The following HGF variants were observed in gnomAD, a reference collection of about 807,000 sequenced individuals.
HGF encodes the protein fibroblast-derived tumor cytotoxic factor.
A neutral mutation model predicts 111.6 loss-of-function variants in HGF; 39 were observed. That is an observed-to-expected ratio of 0.35 (90% CI 0.27 to 0.46). The LOEUF (loss-of-function observed/expected upper bound fraction) is 0.46. Among genes scored for constraint, HGF ranks in the 20% least tolerant of loss-of-function variants. The pLI, the probability that HGF is intolerant of heterozygous loss-of-function variation, is 1.00. For synonymous variants in HGF, 285 were observed against 294.8 expected (o/e 0.97, Z 0.34); for missense variants, 735 against 910.5 (o/e 0.81, Z 2.48).
rs1247043258 is a variant in HGF, at chr7:81,757,084, G to A, written c.482+105C>T. On this transcript the variant is annotated intron_variant, in intron 4 of 17. Transcript: ENST00000222390. ...TGCCGTAATACAATTCAGCAAGTTG[G>A]CTAAGTTATTTTAGGATTGTAGAAT... 6 of 733,208 alleles carry A rather than the reference G, an allele frequency of 8.2e-6. No homozygotes were observed. In the African/African-American group the frequency reaches 1.0e-4, roughly 13 times the overall value. The allele number at this position is 733,208 out of a possible 1,614,324, so 45.4% of individuals were successfully genotyped here. A position where few individuals can be genotyped will look rare whatever the true frequency, so the allele number is the denominator to read the frequency against.
intron 8 of HGF, 110 bp from the exon 9 acceptor site, chr7:81,726,127 T>C: frequency 8.8e-7 from 1 of 1,141,972 alleles, no homozygotes. Context: ...TAAATAGAGT[T>C]CTAACTTTTT....
chr7:81,751,826 T>C (rs1225104875), intron 5 of HGF: 2 of 1,214,144 alleles, frequency 1.6e-6, no homozygotes, highest in Non-Finnish European at 2.1e-6. Context: ...TTTTGAGGTA[T>C]GTGAGCTCAA....
At chr7:81,765,508 A>T (rs976915903) in intron 1 of HGF, among the ~76,000 whole-genome samples, 2 of 152,142 alleles carry the variant, frequency 1.3e-5, no homozygotes, top group African/African-American at 4.8e-5. Flanking sequence ...CTACAAAGCT[A>T]TCAGGGGCAA....
intron 1 of HGF, among the ~76,000 whole-genome samples, chr7:81,765,245 G>A (rs1246961113): frequency 2.0e-5 from 3 of 152,010 alleles, no homozygotes; most frequent in African/African-American, 7.2e-5. Context: ...ATGAAGGCAA[G>A]CCATGAAGAA....
At chr7:81,748,317 G>C (rs959059121) in intron 5 of HGF, among the ~76,000 whole-genome samples, 65 of 152,076 alleles carry the variant, frequency 4.3e-4, no homozygotes, top group African/African-American at 1.5e-3. Flanking sequence ...TCATCTATTG[G>C]AGGAATTGCA....
intron 11 of HGF, among the ~76,000 whole-genome samples, chr7:81,715,543 CATATA>C (rs894159289): frequency 6.6e-6 from 1 of 151,948 alleles, no homozygotes; most frequent in African/African-American, 2.4e-5. Flanking sequence ...TATTTGCAAA[CATATA>C]ATATATTTAG....
chr7:81,769,995 A>G lies in HGF; in HGVS notation c.-24T>C, dbSNP rs1044967861. The G allele has an allele frequency of 6.5e-7, 1 of 1,535,008 alleles. No homozygotes were observed. Among genetic ancestry groups the G allele is most frequent in the Admixed American group, 2.0e-5 (1 of 51,026 alleles). On this transcript the variant is annotated 5_prime_UTR_variant, in exon 1 of 18. Transcript: ENST00000222390. ...ATGGTGCTGCTGGACGGGCTGGCGG[A>G]TCCCTCTGGAGGAGATGCCTGGGTG...
chr7:81,706,466 A>T (rs377268390), intron 14 of HGF, 39 bp from the exon 15 acceptor site: 4 of 1,498,920 alleles, frequency 2.7e-6, no homozygotes, highest in Non-Finnish European at 3.7e-6. Context: ...AAAACATAAT[A>T]ATTCCAAATT....
At chr7:81,744,535 A>G (rs1788149041) in intron 6 of HGF, among the ~76,000 whole-genome samples, 2 of 152,184 alleles carry the variant, frequency 1.3e-5, no homozygotes, top group African/African-American at 2.4e-5. Flanking sequence ...GTCTCTGAAG[A>G]TGCTGCTCCA....
chr7:81,747,198 G>A lies in HGF; in HGVS notation c.626-2078C>T, dbSNP rs148086935. ...CTAAAAATATAAAAAAATTAATCAG[G>A]TGTGGTGGTGGGCACCTGTAGTCCC... On this transcript the variant is annotated intron_variant, in intron 5 of 17. Transcript: ENST00000222390. 5.6e-3 allele frequency among the ~76,000 whole-genome samples: 854 copies of A among 152,274 alleles called. 7 individuals carry two copies. Among genetic ancestry groups the A allele is most frequent in the Admixed American group, 0.01 (156 of 15,280 alleles).
intron 11 of HGF, among the ~76,000 whole-genome samples, chr7:81,712,280 T>C (rs145285158): frequency 3.4e-4 from 52 of 152,318 alleles, no homozygotes; most frequent in Non-Finnish European, 6.8e-4. Context: ...ATTTGAATCA[T>C]TTAATTTTTT....
At chr7:81,733,351 AT>A (rs1168913503) in intron 7 of HGF, among the ~76,000 whole-genome samples, 1 of 151,954 alleles carries the variant, frequency 6.6e-6, no homozygotes, top group Non-Finnish European at 1.5e-5. Flanking sequence ...ATTAGGCTTT[AT>A]TAAGATGTAA....
intron 7 of HGF, among the ~76,000 whole-genome samples, chr7:81,730,221 G>C (rs1218051143): frequency 6.6e-6 from 1 of 152,058 alleles, no homozygotes; most frequent in African/African-American, 2.4e-5. Context: ...AGCTGAGGTG[G>C]GTGGATCACC....
intron 10 of HGF, among the ~76,000 whole-genome samples, chr7:81,720,316 A>T (rs1394786150): frequency 6.6e-6 from 1 of 152,204 alleles, no homozygotes; most frequent in Non-Finnish European, 1.5e-5. Context: ...GATTTTTCAT[A>T]AACTATCAAT....
At chr7:81,745,500 T>A (rs1446501600) in intron 5 of HGF, among the ~76,000 whole-genome samples, 1 of 152,202 alleles carries the variant, frequency 6.6e-6, no homozygotes, top group Admixed American at 6.6e-5. Context: ...AGCACAATAG[T>A]GTTTCTCTCT....
intron 15 of HGF, 117 bp from the exon 16 acceptor site, chr7:81,705,870 T>TAAAA: frequency 5.6e-6 from 3 of 537,892 alleles, no homozygotes; most frequent in East Asian, 6.3e-5. Context: ...TCCTGTTTCT[T>TAAAA]AAAAAAAAAA....
rs5745742 is a variant in HGF at position 81,709,677 on chromosome 7, G to C, written c.1541+470C>G. ...CTTTTTGTAAAGATAAAATGCTCTA[G>C]AATTTAAAATTACCATTTTTCATTT... On this transcript the variant is annotated intron_variant, in intron 13 of 17. Coordinates refer to ENST00000222390, the MANE Select transcript of HGF (RefSeq NM_000601.6). Among the ~76,000 whole-genome samples, 1,404 of 152,052 alleles carry C rather than the reference G, an allele frequency of 9.2e-3. 29 individuals carry two copies. The highest frequency in any genetic ancestry group is 0.032 in the African/African-American group (1,343 of 41,482).
chr7:81,726,831 TTAAA>T (rs1349595466), intron 8 of HGF, among the ~76,000 whole-genome samples: 2 of 151,968 alleles, frequency 1.3e-5, no homozygotes, highest in Non-Finnish European at 2.9e-5. Flanking sequence ...AAGGTTCACA[TTAAA>T]TAAAATATGG....
intron 14 of HGF, 106 bp from the exon 15 acceptor site, chr7:81,706,533 T>C (rs1789432239): frequency 1.1e-6 from 1 of 907,440 alleles, no homozygotes; most frequent in South Asian, 1.5e-5. Flanking sequence ...ATAACCTAAA[T>C]TTAAAATTTG....
Sources: gnomAD v4.1 joint callset for allele counts (sites outside exome capture counted in the v4.1 genomes callset) on GRCh38, gnomAD v4.1.1 for gene constraint, MANE v1.5 for transcripts, NCBI Gene and HGNC (gene_info 2026-07-23, HGNC 2026-07-21) for gene names.